The following TOGARAM1 variants were observed in gnomAD, a reference collection of about 807,000 sequenced individuals.
The protein encoded by TOGARAM1 is TOG array regulator of axonemal microtubules 1.
In TOGARAM1, 100 loss-of-function variants were observed where a neutral mutation model predicts 166.6. The ratio of observed to expected loss-of-function variants is 0.60; its 90% CI spans 0.51 to 0.71. The LOEUF (loss-of-function observed/expected upper bound fraction) is 0.71, where lower values mean the gene tolerates loss of function less well. TOGARAM1 is among the 30% of genes least tolerant of loss of function. The probability of loss-of-function intolerance (pLI) is 0.00; values close to 1 mark genes in which losing one functional copy is unlikely to be tolerated. For missense variants in TOGARAM1, 2,029 were observed against 2,102.7 expected (o/e 0.96, Z 0.69); for synonymous variants, 758 against 763.8 (o/e 0.99, Z 0.13).
Position 44,995,771 on chromosome 14 carries a change from C to G in TOGARAM1, c.2072C>G (p.Ser691Cys). 3.8e-6 allele frequency: 6 copies of G among 1,585,372 alleles called. No individual in the cohort carries two copies. The highest frequency in any genetic ancestry group is 5.1e-6 in the Non-Finnish European group (6 of 1,168,118). The change falls in exon 2 of 20, where the codon TCT becomes TGT. Residue 691 changes from serine to cysteine, a missense_variant. Ser to Cys is a moderately radical substitution (Grantham distance 112). Transcript: ENST00000361462. ...EQFSTYDFIPSAKLKLSQGMP... is the reference protein window; with the variant it reads ...EQFSTYDFIPCAKLKLSQGMP... ...TTTTCAACATATGATTTCATCCCATCTGCAAAATTAAAGCTTTCTCAAGGA... is the reference window on the plus strand; with the variant it reads ...TTTTCAACATATGATTTCATCCCATGTGCAAAATTAAAGCTTTCTCAAGGA...
At chr14:45,037,147 C>G (rs1410547425) in intron 11 of TOGARAM1, among the ~76,000 whole-genome samples, 1 of 152,196 alleles carries the variant, frequency 6.6e-6, no homozygotes, top group Non-Finnish European at 1.5e-5. Context: ...CAGGGACCCT[C>G]TCATCTTCTA....
At chr14:45,041,131 G>T (rs1045221653) in intron 11 of TOGARAM1, among the ~76,000 whole-genome samples, 2 of 151,928 alleles carry the variant, frequency 1.3e-5, no homozygotes, top group African/African-American at 2.4e-5. Flanking sequence ...GGCCAGGAGT[G>T]GTGGCTCACG....
chr14:45,033,230 G>A (rs1466971637), intron 11 of TOGARAM1, among the ~76,000 whole-genome samples: 1 of 145,224 alleles, frequency 6.9e-6, no homozygotes, highest in African/African-American at 2.7e-5. Flanking sequence ...TCCAGCCTGG[G>A]CAACAGAGTG....
intron 7 of TOGARAM1, among the ~76,000 whole-genome samples, chr14:45,012,776 TA>T (rs1410115208): frequency 6.6e-6 from 1 of 152,178 alleles, no homozygotes; most frequent in Non-Finnish European, 1.5e-5. Flanking sequence ...ATCACCTTCC[TA>T]AAAAACTGTA....
At chr14:44,982,571 G>A (rs1029081899) in intron 1 of TOGARAM1, among the ~76,000 whole-genome samples, 1 of 152,136 alleles carries the variant, frequency 6.6e-6, no homozygotes, top group Non-Finnish European at 1.5e-5. Flanking sequence ...CAAGGTAGAG[G>A]AATTGATTAT....
intron 1 of TOGARAM1, among the ~76,000 whole-genome samples, chr14:44,989,504 G>A (rs927465691): frequency 2.0e-5 from 3 of 151,638 alleles, no homozygotes; most frequent in African/African-American, 7.3e-5. Context: ...AAAAAGCCTT[G>A]AGTTTTGGAA....
chr14:45,000,329 C>G (rs1405741750), intron 3 of TOGARAM1, among the ~76,000 whole-genome samples: 2 of 152,086 alleles, frequency 1.3e-5, no homozygotes, highest in African/African-American at 2.4e-5. Flanking sequence ...CATTAACTAC[C>G]TTCTCTTTAT....
chr14:44,963,537 C>T lies in TOGARAM1; in HGVS notation c.1116C>T (p.Val372=). ...ACTATAAGAACCGGACCCAGGCCGTCGAAGAACTAAAGCAGGTGCTGGGAA... is the reference window on the plus strand; with the variant it reads ...ACTATAAGAACCGGACCCAGGCCGTTGAAGAACTAAAGCAGGTGCTGGGAA... ...QEDYKNRTQA[V]EELKQVLGKF... is the part of the protein sequence containing the mutation. The change falls in exon 1 of 20, where the codon GTC becomes GTT. Residue 372 remains valine, a synonymous_variant. Coordinates refer to ENST00000361462, the MANE Select transcript of TOGARAM1 (RefSeq NM_001308120.2). 1 of 1,614,030 alleles carries T rather than the reference C, an allele frequency of 6.2e-7. No homozygotes were observed. The highest frequency in any genetic ancestry group is 1.1e-5 in the South Asian group (1 of 91,074).
chr14:45,039,256 C>T (rs532443590), intron 11 of TOGARAM1, among the ~76,000 whole-genome samples: 1 of 152,236 alleles, frequency 6.6e-6, no homozygotes, highest in South Asian at 2.1e-4. Flanking sequence ...TGGCTGAGTC[C>T]AGGATTTTTA....
Position 45,073,623 on chromosome 14 carries a change from TAA to T in TOGARAM1, c.*65_*66del. 6.7e-7 allele frequency: 1 copy of T among 1,493,928 alleles called. No individual in the cohort carries two copies. Among genetic ancestry groups the T allele is most frequent in the Non-Finnish European group, 9.0e-7 (1 of 1,111,402 alleles). The allele number at this position is 1,493,928 out of a possible 1,614,324, so 92.5% of individuals were successfully genotyped here. A position where few individuals can be genotyped will look rare whatever the true frequency, so the allele number is the denominator to read the frequency against. On this transcript the variant is annotated 3_prime_UTR_variant, in exon 20 of 20. Transcript: ENST00000361462. ...TTACATGATGACAAATGGAACTTTC[TAA>T]AAGTTATGTTATCAGTGCCTGCACT...
chr14:45,013,512 T>G (rs10131972), intron 7 of TOGARAM1, among the ~76,000 whole-genome samples: 7,069 of 152,254 alleles, frequency 0.046, 533 homozygotes, highest in African/African-American at 0.16. Flanking sequence ...ATATAAGTGC[T>G]TTGGAGTCCA....
chr14:44,977,793 G>C (rs893520394), intron 1 of TOGARAM1, among the ~76,000 whole-genome samples: 2 of 151,422 alleles, frequency 1.3e-5, no homozygotes, highest in Non-Finnish European at 2.9e-5. Context: ...CTACAGGCGT[G>C]TGCCACCATG....
intron 15 of TOGARAM1, among the ~76,000 whole-genome samples, chr14:45,054,061 G>A (rs924212921): frequency 6.6e-6 from 1 of 151,906 alleles, no homozygotes; most frequent in African/African-American, 2.4e-5. Context: ...AGTTGAGACA[G>A]GGTTTCCCCA....
At chr14:45,010,578 C>G (rs2138857652) in intron 6 of TOGARAM1, among the ~76,000 whole-genome samples, 1 of 152,218 alleles carries the variant, frequency 6.6e-6, no homozygotes, top group South Asian at 2.1e-4. Context: ...TACATGATGT[C>G]CTGTATTTTC....
At chr14:44,985,116 T>G (rs1344859193) in intron 1 of TOGARAM1, among the ~76,000 whole-genome samples, 23 of 151,954 alleles carry the variant, frequency 1.5e-4, no homozygotes, top group Non-Finnish European at 2.9e-5. Context: ...CAGGTTCAAG[T>G]GATTCTCCTG....
intron 1 of TOGARAM1, among the ~76,000 whole-genome samples, chr14:44,978,850 G>T (rs958320401): frequency 6.6e-6 from 1 of 151,804 alleles, no homozygotes; most frequent in Non-Finnish European, 1.5e-5. Context: ...CAAGAGCCAG[G>T]CATGGTGGCA....
At chr14:44,968,177 A>G (rs1421680008) in intron 1 of TOGARAM1, among the ~76,000 whole-genome samples, 1 of 152,260 alleles carries the variant, frequency 6.6e-6, no homozygotes, top group Non-Finnish European at 1.5e-5. Flanking sequence ...AATAGAGGAC[A>G]GGGAATAAAT....
rs1184864992 is a variant in TOGARAM1, at chr14:45,073,903, C to A, written c.*342C>A. The A allele has an allele frequency of 5.7e-6, 1 of 174,380 alleles. No individual in the cohort carries two copies. Among genetic ancestry groups the A allele is most frequent in the Admixed American group, 6.0e-5 (1 of 16,588 alleles). The allele number at this position is 174,380 out of a possible 1,614,324, so 10.8% of individuals were successfully genotyped here. A position where few individuals can be genotyped will look rare whatever the true frequency, so the allele number is the denominator to read the frequency against. ...AAAATTAGAATTGTAATTAAAAATA[C>A]ACATTTTATTATGTAATCATGTTCT... is the stretch of plus-strand genomic sequence containing the variant. On this transcript the variant is annotated 3_prime_UTR_variant, in exon 20 of 20. Transcript: ENST00000361462.
chr14:45,049,559 A>G (rs1461516391), intron 14 of TOGARAM1, among the ~76,000 whole-genome samples: 2 of 152,076 alleles, frequency 1.3e-5, no homozygotes, highest in Admixed American at 1.3e-4. Context: ...GCACCCGGCC[A>G]GAAAGTTCTC....
Sources: allele counts gnomAD v4.1 joint callset (sites outside exome capture counted in the v4.1 genomes callset), GRCh38; gene constraint gnomAD v4.1.1; transcripts MANE v1.5; gene names NCBI Gene and HGNC (gene_info 2026-07-23, HGNC 2026-07-21).